The following CD200R1L variants were observed in gnomAD, a reference collection of about 807,000 sequenced individuals.
CD200R1L encodes cell surface glycoprotein CD200 receptor 2.
CD200R1L carries 14 observed loss-of-function variants against 24.8 expected under a neutral mutation model. The ratio of observed to expected loss-of-function variants is 0.56; its 90% CI spans 0.37 to 0.88. CD200R1L has a LOEUF of 0.88. CD200R1L is among the 40% of genes least tolerant of loss of function. The pLI, the probability that CD200R1L is intolerant of heterozygous loss-of-function variation, is 0.00. For missense variants in CD200R1L, 299 were observed against 297.8 expected, an observed-to-expected ratio of 1.00 and a Z score of -0.03; for synonymous variants, 111 against 109.2, an observed-to-expected ratio of 1.02 and a Z score of -0.11.
chr3:112,837,816 C>T (rs1265728770), intron 3 of CD200R1L, 126 bp downstream of exon 3: 1 of 197,850 alleles, frequency 5.1e-6, no homozygotes, highest in African/African-American at 2.6e-5. Flanking sequence ...CTTGCTTGGT[C>T]TTCAAGCAAT....
chr3:112,831,032 C>A (rs1938785687), intron 3 of CD200R1L, among the ~76,000 whole-genome samples: 1 of 152,160 alleles, frequency 6.6e-6, no homozygotes. Context: ...ATGGTTACCT[C>A]ATACAAACTA....
intron 3 of CD200R1L, among the ~76,000 whole-genome samples, chr3:112,832,770 G>A (rs1938832501): frequency 6.6e-6 from 1 of 152,160 alleles, no homozygotes; most frequent in African/African-American, 2.4e-5. Flanking sequence ...ACATTCATCA[G>A]GAAGGAACAT....
At chr3:112,827,822 G>A in intron 4 of CD200R1L, 138 bp from the exon 5 acceptor site, 9 of 784,818 alleles carry the variant, frequency 1.1e-5, no homozygotes, top group East Asian at 8.2e-5. Flanking sequence ...ATTAGACTTA[G>A]GTAAGAAAAT....
chr3:112,837,497 T>C (rs550303789), intron 3 of CD200R1L, among the ~76,000 whole-genome samples: 1 of 152,326 alleles, frequency 6.6e-6, no homozygotes, highest in African/African-American at 2.4e-5. Context: ...ACATTTTATG[T>C]GCCTTTCTAC....
chr3:112,827,947 ATAAAG>A (rs1427925552), intron 4 of CD200R1L, among the ~76,000 whole-genome samples: 13 of 152,250 alleles, frequency 8.5e-5, no homozygotes, highest in African/African-American at 2.4e-4. Flanking sequence ...CTGAAATACA[ATAAAG>A]TATTCTGATT....
intron 6 of CD200R1L, among the ~76,000 whole-genome samples, chr3:112,820,855 C>T (rs962562970): frequency 1.5e-4 from 22 of 151,366 alleles, no homozygotes; most frequent in African/African-American, 5.3e-4. Context: ...GTCAGGAATT[C>T]GAGACCAGCC....
Position 112,815,870 on chromosome 3 carries a change from T to C in CD200R1L, c.*93A>G. 1 of 756,020 alleles carries C rather than the reference T, an allele frequency of 1.3e-6. No individual in the cohort carries two copies. Among genetic ancestry groups the C allele is most frequent in the Non-Finnish European group, 2.4e-6 (1 of 408,854 alleles). 46.8% of individuals were successfully genotyped at this position (756,020 alleles called of 1,614,324 possible). ...TGGCTTCTATCCTTAACATCATCCA[T>C]GGCCCAAGTTCACTGCTGGACCATC... On this transcript the variant is annotated 3_prime_UTR_variant, in exon 8 of 8. Transcript: ENST00000488794.
At position 112,827,518 on chromosome 3, in the gene CD200R1L, A is replaced by G; in HGVS notation, c.216T>C (p.Cys72=). 6.2e-7 allele frequency: 1 copy of G among 1,614,214 alleles called. No individual in the cohort carries two copies. Among genetic ancestry groups the G allele is most frequent in the Non-Finnish European group, 8.5e-7 (1 of 1,180,034 alleles). ...AGACCCAGGTTATTCTCTCAACAGTACAGTTGGTTTCCTTGGTCTCATTTG... is the reference window on the plus strand; with the variant it reads ...AGACCCAGGTTATTCTCTCAACAGTGCAGTTGGTTTCCTTGGTCTCATTTG... ...KETNETKETN[C]TVERITWVSR... Residue 72 remains cysteine, a synonymous_variant, in exon 5 of 8, where the codon TGT becomes TGC. Transcript: ENST00000488794.
At chr3:112,838,038 G>A in intron 2 of CD200R1L, 28 bp from the exon 3 acceptor site, 1 of 1,081,882 alleles carries the variant, frequency 9.2e-7, no homozygotes, top group Non-Finnish European at 1.2e-6. Flanking sequence ...AAGAAATATG[G>A]AGAAAATTAA....
At chr3:112,823,689 C>T (rs1379962635) in intron 6 of CD200R1L, among the ~76,000 whole-genome samples, 1 of 152,158 alleles carries the variant, frequency 6.6e-6, no homozygotes, top group African/African-American at 2.4e-5. Flanking sequence ...GCTAACCAAA[C>T]TTCATGGCAA....
chr3:112,827,742 T>C, intron 4 of CD200R1L, 58 bp from the exon 5 acceptor site: 1 of 1,489,468 alleles, frequency 6.7e-7, no homozygotes, highest in South Asian at 1.3e-5. Flanking sequence ...ACTTCATGTG[T>C]TATGTTTATC....
chr3:112,818,279 A>C (rs1938444095), intron 7 of CD200R1L, among the ~76,000 whole-genome samples: 2 of 152,360 alleles, frequency 1.3e-5, no homozygotes, highest in Admixed American at 6.5e-5. Flanking sequence ...CAAGGATTTC[A>C]CCAGTGTCTT....
intron 3 of CD200R1L, among the ~76,000 whole-genome samples, chr3:112,834,665 G>A (rs2107346781): frequency 6.6e-6 from 1 of 152,312 alleles, no homozygotes; most frequent in Non-Finnish European, 1.5e-5. Context: ...GGCTCATTCT[G>A]CCTATTTGGC....
At chr3:112,833,191 C>T (rs528890826) in intron 3 of CD200R1L, among the ~76,000 whole-genome samples, 5 of 152,364 alleles carry the variant, frequency 3.3e-5, no homozygotes, top group African/African-American at 1.2e-4. Flanking sequence ...TTTGCGATTA[C>T]TGCTCTGACC....
rs767868677 is a variant in CD200R1L, at chr3:112,819,859, A to G, written c.653T>C (p.Leu218Pro). Residue 218 changes from leucine to proline, a missense_variant, in exon 7 of 8, where the codon CTG (leucine) becomes CCG (proline). Coordinates refer to ENST00000488794, the MANE Select transcript of CD200R1L (RefSeq NM_001199215.3). ...AGAGAGTTTCACATAAAGAATGATC[A>G]GTAAGGACAACGCTGGAGATCCTGA... is the stretch of plus-strand genomic sequence containing the variant. ...RTSGSPALSL[L>P]IILYVKLSLF... 2 of 1,610,808 alleles carry G rather than the reference A, an allele frequency of 1.2e-6. No individual in the cohort carries two copies. Among genetic ancestry groups the G allele is most frequent in the Non-Finnish European group, 1.7e-6 (2 of 1,178,944 alleles).
In CD200R1L at chr3:112,827,148, G is replaced by A. The variant is rs746373428; in HGVS notation, c.461C>T (p.Pro154Leu). 6.2e-6 allele frequency: 10 copies of A among 1,613,448 alleles called. No individual in the cohort carries two copies. Among genetic ancestry groups the A allele is most frequent in the African/African-American group, 4.0e-5 (3 of 74,912 alleles). ...GKPAAQISWI[P>L]EGSILATKQE... ...CTTAGTGGCAAGAATAGATCCCTCT[G>A]GGATCCAGGAGATCTGGGCAGCTGG... The change falls in exon 6 of 8, where the codon CCA (proline) becomes CTA (leucine). Residue 154 changes from proline (P) to leucine (L), a missense_variant. Coordinates refer to ENST00000488794, the MANE Select transcript of CD200R1L (RefSeq NM_001199215.3).
intron 4 of CD200R1L, 134 bp from the exon 5 acceptor site, chr3:112,827,818 C>G: frequency 3.7e-6 from 3 of 818,406 alleles, no homozygotes; most frequent in Non-Finnish European, 5.6e-6. Flanking sequence ...AAATATTAGA[C>G]TTAGGTAAGA....
At chr3:112,825,978 TG>T (rs1938647646) in intron 6 of CD200R1L, among the ~76,000 whole-genome samples, 1 of 152,112 alleles carries the variant, frequency 6.6e-6, no homozygotes, top group South Asian at 2.1e-4. Context: ...GGTTTCCTTT[TG>T]GGGGTGATAA....
At position 112,841,698 on chromosome 3, in the gene CD200R1L, G is replaced by A. The variant is rs143138073; in HGVS notation, c.-86-3688C>T. 6.6e-4 allele frequency among the ~76,000 whole-genome samples: 100 copies of A among 152,296 alleles called. 1 individual carries two copies. Among genetic ancestry groups the A allele is most frequent in the African/African-American group, 2.4e-3 (98 of 41,576 alleles). The stretch of plus-strand genomic sequence containing the variant: ...CCAAGGCCCATGCCTTGCCACTCCT[G>A]AAATAGGGTGCACACAGCACAGCCT... On this transcript the variant is annotated intron_variant, in intron 2 of 7. Transcript: ENST00000488794.
Sources: gnomAD v4.1 joint callset for allele counts (sites outside exome capture counted in the v4.1 genomes callset) on GRCh38, gnomAD v4.1.1 for gene constraint, MANE v1.5 for transcripts, NCBI Gene and HGNC (gene_info 2026-07-23, HGNC 2026-07-21) for gene names.